Variants in EBF1 observed in about 807,000 individuals in gnomAD.
EBF1 encodes EBF transcription factor 1.
EBF1 carries 10 observed loss-of-function variants against 68.4 expected under a neutral mutation model. The ratio of observed to expected loss-of-function variants is 0.15; its 90% CI spans 0.09 to 0.25. The LOEUF (loss-of-function observed/expected upper bound fraction) is 0.25, where lower values mean the gene tolerates loss of function less well. Ranked by LOEUF, EBF1 falls within the 10% of genes least tolerant of loss-of-function variation. EBF1 has a pLI of 1.00. For synonymous variants in EBF1, 298 were observed against 299.8 expected (o/e 0.99, Z 0.06); for missense variants, 509 against 794.4 (o/e 0.64, Z 4.32).
At chr5:159,063,629 A>G (rs190537610) in intron 6 of EBF1, among the ~76,000 whole-genome samples, 1 of 152,314 alleles carries the variant, frequency 6.6e-6, no homozygotes, top group East Asian at 1.9e-4. Context: ...AGTGCATGAC[A>G]TATAATAGAG....
chr5:158,921,673 C>T (rs1034683436), intron 6 of EBF1, among the ~76,000 whole-genome samples: 6 of 152,192 alleles, frequency 3.9e-5, no homozygotes, highest in African/African-American at 9.7e-5. Context: ...TCATTACCAG[C>T]CGGAGCTTGT....
intron 6 of EBF1, among the ~76,000 whole-genome samples, chr5:158,903,614 G>A (rs943772747): frequency 2.6e-5 from 4 of 152,090 alleles, no homozygotes; most frequent in South Asian, 2.1e-4. Flanking sequence ...AAAAAAAAAC[G>A]CAGTCTGCTA....
At chr5:158,768,295 G>T (rs1319400457) in intron 10 of EBF1, among the ~76,000 whole-genome samples, 1 of 151,988 alleles carries the variant, frequency 6.6e-6, no homozygotes, top group Non-Finnish European at 1.5e-5. Context: ...TTCTGCTAGG[G>T]CATAAGATGA....
At chr5:159,052,421 C>T (rs1773933870) in intron 6 of EBF1, among the ~76,000 whole-genome samples, 1 of 151,812 alleles carries the variant, frequency 6.6e-6, no homozygotes, top group Non-Finnish European at 1.5e-5. Context: ...TAAAAGATTG[C>T]TTGTCAGGTC....
At chr5:158,766,448 TTATG>T (rs1772681110) in intron 10 of EBF1, among the ~76,000 whole-genome samples, 1 of 152,140 alleles carries the variant, frequency 6.6e-6, no homozygotes, top group Non-Finnish European at 1.5e-5. Flanking sequence ...ATGTTGTAAA[TTATG>T]TATGTGATAT....
At chr5:158,869,183 A>G (rs1796434532) in intron 6 of EBF1, among the ~76,000 whole-genome samples, 1 of 152,154 alleles carries the variant, frequency 6.6e-6, no homozygotes, top group Admixed American at 6.6e-5. Flanking sequence ...AAAATGCAGA[A>G]TGCTGTCTGC....
rs1036543543 is a variant in EBF1 at position 158,962,392 on chromosome 5, C to T, written c.554+111004G>A. On this transcript the variant is annotated intron_variant, in intron 6 of 15. Transcript: ENST00000313708. The stretch of plus-strand genomic sequence containing the variant: ...ACCGAGGCAAGCAGAGGACCATATA[C>T]CCCATCTACAAGGCAACAACACCAC... Among the ~76,000 whole-genome samples the T allele has an allele frequency of 3.9e-5, 6 of 152,106 alleles. No homozygotes were observed. In the East Asian group the frequency reaches 1.2e-3, roughly 29 times the overall value.
intron 6 of EBF1, among the ~76,000 whole-genome samples, chr5:159,043,361 T>C (rs1371198855): frequency 6.6e-6 from 1 of 152,220 alleles, no homozygotes; most frequent in Non-Finnish European, 1.5e-5. Flanking sequence ...TGGCATATCA[T>C]ATCATCCTCC....
chr5:158,969,606 A>C (rs867360082), intron 6 of EBF1, among the ~76,000 whole-genome samples: 1 of 150,850 alleles, frequency 6.6e-6, no homozygotes. Flanking sequence ...TCTACAAAAA[A>C]AAAAAAAAAA....
chr5:158,795,235 G>A lies in EBF1; in HGVS notation c.909+1110C>T, dbSNP rs758220039. Among the ~76,000 whole-genome samples the A allele has an allele frequency of 5.9e-5, 9 of 152,132 alleles. No individual in the cohort carries two copies. In the South Asian group the frequency reaches 8.3e-4, roughly 14 times the overall value. On this transcript the variant is annotated intron_variant, in intron 9 of 15. Transcript: ENST00000313708. ...AAGAAATAGGCTAAACCAGTGTCAC[G>A]GGAGCACAGCTAGAAATGGAAATCT...
chr5:159,009,595 A>G (rs572760261), intron 6 of EBF1, among the ~76,000 whole-genome samples: 1 of 152,256 alleles, frequency 6.6e-6, no homozygotes, highest in Admixed American at 6.5e-5. Flanking sequence ...GGAGATAACT[A>G]TTTTAGACAT....
At chr5:158,735,654 G>A (rs1404776949) in intron 10 of EBF1, among the ~76,000 whole-genome samples, 1 of 152,096 alleles carries the variant, frequency 6.6e-6, no homozygotes, top group African/African-American at 2.4e-5. Flanking sequence ...GCACCAGGAT[G>A]CCATTTGAAC....
chr5:158,729,370 C>T (rs1006456707), intron 11 of EBF1, among the ~76,000 whole-genome samples: 3 of 150,192 alleles, frequency 2.0e-5, no homozygotes, highest in South Asian at 2.1e-4. Context: ...AATACAGTGC[C>T]CAAATGTTCC....
At chr5:158,924,603 A>G (rs1809187013) in intron 6 of EBF1, among the ~76,000 whole-genome samples, 1 of 152,084 alleles carries the variant, frequency 6.6e-6, no homozygotes, top group Non-Finnish European at 1.5e-5. Flanking sequence ...CTATAATCCC[A>G]GCAGTTTGGA....
intron 6 of EBF1, 128 bp downstream of exon 6, chr5:159,073,268 G>T: frequency 2.2e-6 from 2 of 915,678 alleles, no homozygotes; most frequent in Non-Finnish European, 1.7e-6. Context: ...GCTCAGCACA[G>T]CGTAAGTCAT....
intron 6 of EBF1, among the ~76,000 whole-genome samples, chr5:158,881,286 C>T (rs894403495): frequency 2.6e-5 from 4 of 152,216 alleles, no homozygotes; most frequent in African/African-American, 7.2e-5. Flanking sequence ...TACAGTCAGA[C>T]AGGACTAAAG....
intron 11 of EBF1, among the ~76,000 whole-genome samples, chr5:158,721,903 C>CTTTTTTTTTTTTTTT (rs879649056): frequency 6.9e-6 from 1 of 145,578 alleles, no homozygotes. Flanking sequence ...TTTCCCCTCC[C>CTTTTTTTTTTTTTTT]TTTTTTTTTT....
intron 9 of EBF1, among the ~76,000 whole-genome samples, chr5:158,792,021 C>T (rs1561939112): frequency 6.6e-6 from 1 of 152,100 alleles, no homozygotes; most frequent in Non-Finnish European, 1.5e-5. Context: ...GGAGCCCCTC[C>T]CTGCTCCAAA....
chr5:158,759,556 G>C (rs1232187291), intron 10 of EBF1, among the ~76,000 whole-genome samples: 2 of 152,154 alleles, frequency 1.3e-5, no homozygotes, highest in Non-Finnish European at 2.9e-5. Flanking sequence ...GAGCGCTGGG[G>C]AAAGTCCACA....
Sources: gnomAD v4.1 joint callset for allele counts (sites outside exome capture counted in the v4.1 genomes callset) on GRCh38, gnomAD v4.1.1 for gene constraint, MANE v1.5 for transcripts, NCBI Gene and HGNC (gene_info 2026-07-23, HGNC 2026-07-21) for gene names.